Variants in ATAD2 observed in about 807,000 individuals in gnomAD.
ATAD2 encodes the protein ATPase family AAA domain-containing protein 2.
A neutral mutation model predicts 168.9 loss-of-function variants in ATAD2; 62 were observed. That is an observed-to-expected ratio of 0.37 (90% CI 0.30 to 0.45). The LOEUF (loss-of-function observed/expected upper bound fraction) is 0.45. Ranked by LOEUF, ATAD2 falls within the 20% of genes least tolerant of loss-of-function variation. The probability of loss-of-function intolerance (pLI) is 1.00; values close to 1 mark genes in which losing one functional copy is unlikely to be tolerated. For missense variants in ATAD2, 1,419 were observed against 1,667.8 expected, an observed-to-expected ratio of 0.85 and a Z score of 2.60; for synonymous variants, 613 against 571.6, an observed-to-expected ratio of 1.07 and a Z score of -1.03.
At chr8:123,345,826 T>TA (rs1828221686) in intron 18 of ATAD2, among the ~76,000 whole-genome samples, 1 of 152,244 alleles carries the variant, frequency 6.6e-6, no homozygotes, top group Non-Finnish European at 1.5e-5. Flanking sequence ...CCATGTGAGG[T>TA]AAGTAGTATT....
At position 123,380,519 on chromosome 8, in the gene ATAD2, C is replaced by T. The variant is rs771172104; in HGVS notation, c.320+10G>A. The T allele has an allele frequency of 1.2e-6, 2 of 1,612,768 alleles. No individual in the cohort carries two copies. Among genetic ancestry groups the T allele is most frequent in the South Asian group, 1.1e-5 (1 of 90,864 alleles). On this transcript the variant is annotated intron_variant, in intron 2 of 27. Coordinates refer to ENST00000287394, the MANE Select transcript of ATAD2 (RefSeq NM_014109.4). ...CTATTTTGAATTAGTGTTCAACCAC[C>T]TTGTATTACCTTGTAAAATGCCTGC...
intron 1 of ATAD2, among the ~76,000 whole-genome samples, chr8:123,411,296 C>T (rs1412860208): frequency 2.6e-5 from 4 of 152,102 alleles, no homozygotes; most frequent in South Asian, 2.1e-4. Flanking sequence ...GCCCATGCTC[C>T]GATGTTAATG....
intron 22 of ATAD2, 42 bp downstream of exon 22, chr8:123,336,331 C>A (rs1389199870): frequency 4.6e-6 from 7 of 1,516,786 alleles, no homozygotes; most frequent in African/African-American, 1.4e-5. Context: ...TGTTAGCTGC[C>A]CCCCAACTCA....
intron 2 of ATAD2, among the ~76,000 whole-genome samples, chr8:123,373,798 A>G (rs1377431236): frequency 6.6e-6 from 1 of 151,860 alleles, no homozygotes; most frequent in East Asian, 1.9e-4. Flanking sequence ...CAAAAAAAAA[A>G]AAAAAAAAAA....
intron 19 of ATAD2, among the ~76,000 whole-genome samples, chr8:123,339,936 A>C (rs1828019064): frequency 6.6e-6 from 1 of 151,898 alleles, no homozygotes; most frequent in African/African-American, 2.4e-5. Flanking sequence ...TCTGTCACTC[A>C]GGCTGGATTG....
At chr8:123,369,203 T>TTG (rs1187717647) in intron 7 of ATAD2, 28 bp from the exon 8 acceptor site, 11 of 745,978 alleles carry the variant, frequency 1.5e-5, no homozygotes, top group African/African-American at 3.9e-5. Flanking sequence ...ATATATATAT[T>TTG]TGTATATATA....
chr8:123,409,912 G>C (rs1813127195), intron 1 of ATAD2, among the ~76,000 whole-genome samples: 1 of 147,956 alleles, frequency 6.8e-6, no homozygotes, highest in Non-Finnish European at 1.5e-5. Context: ...CTCCAGCCTG[G>C]GTGTGACAAG....
intron 1 of ATAD2, chr8:123,401,767 G>T (rs1030968348): frequency 1.2e-5 from 9 of 749,350 alleles, no homozygotes; most frequent in African/African-American, 5.1e-5. Context: ...CCAGCGAATA[G>T]TTCTCAGATG....
chr8:123,360,610 G>C (rs1054919414), intron 9 of ATAD2, among the ~76,000 whole-genome samples: 1 of 152,086 alleles, frequency 6.6e-6, no homozygotes, highest in Non-Finnish European at 1.5e-5. Context: ...GGCCAGGTGT[G>C]GTGGCTCATG....
chr8:123,398,334 G>A (rs964994993), upstream of ATAD2, among the ~76,000 whole-genome samples: 1 of 149,286 alleles, frequency 6.7e-6, no homozygotes, highest in African/African-American at 2.5e-5. Flanking sequence ...GGGTTCAAGC[G>A]ATTGTCCTGC....
Position 123,339,306 on chromosome 8 carries a change from C to T in ATAD2, c.2854+5G>A. 1 of 1,540,942 alleles carries T rather than the reference C, an allele frequency of 6.5e-7. No homozygotes were observed. Among genetic ancestry groups the T allele is most frequent in the East Asian group, 2.3e-5 (1 of 44,218 alleles). ...TTAAATATTAACTTTGATATAGAAA[C>T]TAACCTGCTTTCTTTTTTGATATAG... is the stretch of plus-strand genomic sequence containing the variant. On this transcript the variant is annotated splice_donor_5th_base_variant and intron_variant, in intron 20 of 27. Transcript: ENST00000287394.
At chr8:123,410,740 C>T (rs1813142271) in intron 1 of ATAD2, among the ~76,000 whole-genome samples, 1 of 152,210 alleles carries the variant, frequency 6.6e-6, no homozygotes, top group Non-Finnish European at 1.5e-5. Context: ...CTTGTTACGG[C>T]TCAAGCTGAG....
upstream of ATAD2, chr8:123,400,869 G>C (rs1812986799): frequency 7.1e-7 from 1 of 1,414,700 alleles, no homozygotes. This position sits in a 1 kb window ranked among gnomAD's most constrained non-coding sequence, Gnocchi z 4.5. Context: ...GCACCCCAGA[G>C]TTCCAGGCCA....
intron 1 of ATAD2, among the ~76,000 whole-genome samples, chr8:123,382,969 G>A (rs1829533363): frequency 6.6e-6 from 1 of 152,124 alleles, no homozygotes; most frequent in South Asian, 2.1e-4. Context: ...TGATAGACTG[G>A]ATAAAGAAAA....
chr8:123,387,385 T>A (rs143228004), intron 1 of ATAD2, among the ~76,000 whole-genome samples: 2 of 152,292 alleles, frequency 1.3e-5, no homozygotes, highest in African/African-American at 4.8e-5. Flanking sequence ...TAAGGAAGAC[T>A]AGCACAGGTA....
intron 1 of ATAD2, among the ~76,000 whole-genome samples, chr8:123,412,950 T>A (rs1274891227): frequency 6.6e-6 from 1 of 152,310 alleles, no homozygotes; most frequent in East Asian, 1.9e-4. Flanking sequence ...CAGTACCTGA[T>A]GATAGGCCCC....
At chr8:123,359,113 GA>G (rs1340656934) in intron 11 of ATAD2, 107 bp downstream of exon 11, 10 of 670,586 alleles carry the variant, frequency 1.5e-5, no homozygotes, top group Non-Finnish European at 2.2e-5. Flanking sequence ...AATGAAAAGG[GA>G]AAAGGGAACT....
chr8:123,336,583 T>A (rs376995699), intron 21 of ATAD2, 51 bp from the exon 22 acceptor site: 2 of 1,398,084 alleles, frequency 1.4e-6, no homozygotes, highest in African/African-American at 1.5e-5. Context: ...AAACATAACA[T>A]GTGAGTCAAG....
At chr8:123,393,978 C>G (rs1384518819) in intron 1 of ATAD2, among the ~76,000 whole-genome samples, 2 of 151,992 alleles carry the variant, frequency 1.3e-5, no homozygotes, top group African/African-American at 4.8e-5. Flanking sequence ...CATGGCAACA[C>G]TGGAGGACAT....
Sources: gnomAD v4.1 joint callset for allele counts (sites outside exome capture counted in the v4.1 genomes callset) on GRCh38, gnomAD v4.1.1 for gene constraint, Gnocchi (gnomAD v3.1) non-coding constraint, MANE v1.5 for transcripts, NCBI Gene and HGNC (gene_info 2026-07-23, HGNC 2026-07-21) for gene names.